The following CHD2 variants were observed in gnomAD, a reference collection of about 807,000 sequenced individuals.
The protein encoded by CHD2 is ATP-dependent chromatin remodeler CHD2.
CHD2 carries 28 observed loss-of-function variants against 243.9 expected under a neutral mutation model. The observed-to-expected ratio is 0.11, with a 90% CI of 0.09 to 0.16. CHD2 has a LOEUF of 0.16. Ranked by LOEUF, CHD2 falls within the 10% of genes least tolerant of loss-of-function variation. The probability of loss-of-function intolerance (pLI) is 1.00; values close to 1 mark genes in which losing one functional copy is unlikely to be tolerated. For synonymous variants in CHD2, 775 were observed against 779.0 expected (o/e 0.99, Z 0.09); for missense variants, 1,386 against 2,209.8 (o/e 0.63, Z 7.47).
intron 18 of CHD2, 39 bp downstream of exon 18, chr15:92,971,966 C>A: frequency 1.3e-6 from 2 of 1,575,630 alleles, no homozygotes; most frequent in Non-Finnish European, 1.7e-6. Flanking sequence ...AAAAAAAACG[C>A]TTAGTTTCTC....
chr15:92,927,453 A>G, intron 4 of CHD2, 123 bp downstream of exon 4: 1 of 649,552 alleles, frequency 1.5e-6, no homozygotes, highest in Non-Finnish European at 2.7e-6. Flanking sequence ...AGTGACTCTA[A>G]TATGAGCTAT....
At chr15:93,022,471 A>C (rs1220578017) in intron 38 of CHD2, among the ~76,000 whole-genome samples, 2 of 152,160 alleles carry the variant, frequency 1.3e-5, no homozygotes, top group Non-Finnish European at 2.9e-5. Context: ...ACATACCCAA[A>C]CCGTATCACC....
At chr15:92,924,175 T>C (rs1280321336) in intron 2 of CHD2, 146 bp from the exon 3 acceptor site, 1 of 624,790 alleles carries the variant, frequency 1.6e-6, no homozygotes, top group East Asian at 2.9e-5. Context: ...ATTTGGAATG[T>C]AAAAGTATAA....
chr15:92,905,083 T>A, intron 2 of CHD2: 4 of 1,293,704 alleles, frequency 3.1e-6, no homozygotes, highest in Non-Finnish European at 4.2e-6. Flanking sequence ...AATTTCACGT[T>A]CAATAACATT....
intron 5 of CHD2, among the ~76,000 whole-genome samples, chr15:92,931,927 A>G (rs147873007): frequency 0.065 from 9,843 of 150,760 alleles, 440 homozygotes; most frequent in South Asian, 0.11. Flanking sequence ...CAGTGGCGCA[A>G]TCTCGGCTCA....
At chr15:92,902,521 A>G (rs1317534272) in intron 2 of CHD2, 2 of 207,276 alleles carry the variant, frequency 9.6e-6, no homozygotes, top group Non-Finnish European at 1.9e-5. Context: ...ATGTGTTACT[A>G]ATATGCTGAA....
rs1171636487 is a variant in CHD2, at chr15:93,024,940, C to G, written c.*235C>G. On this transcript the variant is annotated 3_prime_UTR_variant, in exon 39 of 39. Transcript: ENST00000394196. ...CCATCCCATTCCAGCCTAGTTCTGG[C>G]CTCCCACTTTGACGGGCACTTGGAG... 4.2e-6 allele frequency: 2 copies of G among 481,530 alleles called. No individual in the cohort carries two copies. The highest frequency in any genetic ancestry group is 2.0e-5 in the African/African-American group (1 of 50,152). 29.8% of individuals were successfully genotyped at this position (481,530 alleles called of 1,614,324 possible).
intron 2 of CHD2, among the ~76,000 whole-genome samples, chr15:92,907,976 G>A (rs1453450568): frequency 6.7e-6 from 1 of 149,340 alleles, no homozygotes; most frequent in Non-Finnish European, 1.5e-5. Context: ...CAGCTTGGGT[G>A]CGTTTTACAG....
At position 92,997,549 on chromosome 15, in the gene CHD2, A is replaced by G. The variant is rs1254812340; in HGVS notation, c.3885+146A>G. On this transcript the variant is annotated intron_variant, in intron 30 of 38. Coordinates refer to ENST00000394196, the MANE Select transcript of CHD2 (RefSeq NM_001271.4). The surrounding 1 kb of genome is among the most constrained non-coding windows in gnomAD (Gnocchi z 4.1). ...TTGGAAATACTTCCATCTTTAGCAGATTGTGGCACTGTTTCACGGATGAAG... is the reference window on the plus strand; with the variant it reads ...TTGGAAATACTTCCATCTTTAGCAGGTTGTGGCACTGTTTCACGGATGAAG... The G allele has an allele frequency of 2.9e-6, 2 of 700,722 alleles. No homozygotes were observed. The highest frequency in any genetic ancestry group is 1.9e-5 in the African/African-American group (1 of 53,618). The allele number at this position is 700,722 out of a possible 1,614,324, so 43.4% of individuals were successfully genotyped here.
At chr15:92,918,160 G>A (rs1002090430) in intron 2 of CHD2, among the ~76,000 whole-genome samples, 3 of 152,218 alleles carry the variant, frequency 2.0e-5, no homozygotes, top group Non-Finnish European at 2.9e-5. Context: ...AAATGGAACA[G>A]TAAGTGTTAA....
rs2053619773 is a variant in CHD2, at chr15:92,956,623, C to G, written c.1974C>G (p.Ser658=). 1 of 1,611,502 alleles carries G rather than the reference C, an allele frequency of 6.2e-7. No homozygotes were observed. The highest frequency in any genetic ancestry group is 1.7e-5 in the Admixed American group (1 of 59,250). ...PLQNSLKELW[S]LLHFIMPEKF... Reference sequence around the variant, plus strand: ...AGAATTCCCTCAAAGAGCTCTGGTCCTTGCTGCACTTTATTATGCCGGAGA... The same window carrying G: ...AGAATTCCCTCAAAGAGCTCTGGTCGTTGCTGCACTTTATTATGCCGGAGA... The change falls in exon 16 of 39, where the codon TCC becomes TCG. Residue 658 remains serine, a synonymous_variant. Transcript: ENST00000394196.
At chr15:92,988,433 A>G (rs867682586) in intron 26 of CHD2, among the ~76,000 whole-genome samples, 1 of 152,178 alleles carries the variant, frequency 6.6e-6, no homozygotes. Context: ...AGTTACAAAA[A>G]TGCATGTATA....
At chr15:92,908,158 TA>T (rs1288738840) in intron 2 of CHD2, among the ~76,000 whole-genome samples, 2 of 151,476 alleles carry the variant, frequency 1.3e-5, no homozygotes, top group Admixed American at 1.3e-4. Context: ...CCCAAGCTGA[TA>T]ATTATTACCC....
At chr15:93,009,468 T>A in intron 35 of CHD2, 145 bp downstream of exon 35, 1 of 722,544 alleles carries the variant, frequency 1.4e-6, no homozygotes, top group Non-Finnish European at 2.2e-6. Flanking sequence ...CTGCAGGCTT[T>A]AACTCCCTTT....
chr15:92,978,314 C>T lies in CHD2; in HGVS notation c.2658C>T (p.Asp886=). The part of the protein sequence containing the change: ...LASADTVVIF[D]SDWNPQNDLQ... The stretch of plus-strand genomic sequence containing the variant: ...CAGCGGACACAGTCGTCATCTTTGA[C>T]TCTGACTGGAACCCCCAGAATGACT... The change falls in exon 21 of 39, where the codon GAC becomes GAT. Residue 886 remains aspartate (D), a synonymous_variant. Transcript: ENST00000394196. 6.2e-7 allele frequency: 1 copy of T among 1,614,166 alleles called. No homozygotes were observed. The highest frequency in any genetic ancestry group is 8.5e-7 in the Non-Finnish European group (1 of 1,180,046).
At chr15:93,016,806 A>G (rs911057237) in intron 37 of CHD2, among the ~76,000 whole-genome samples, 2 of 129,474 alleles carry the variant, frequency 1.5e-5, no homozygotes, top group African/African-American at 5.4e-5. Context: ...TGCAGTTTTG[A>G]AACAAAACTC....
At position 92,972,397 on chromosome 15, in the gene CHD2, A is replaced by G; in HGVS notation, c.2485A>G (p.Ile829Val). 3 of 1,607,044 alleles carry G rather than the reference A, an allele frequency of 1.9e-6. No homozygotes were observed. Among genetic ancestry groups the G allele is most frequent in the East Asian group, 2.2e-5 (1 of 44,674 alleles). The change falls in exon 19 of 39, where the codon ATT becomes GTT. Residue 829 changes from isoleucine to valine, a missense_variant. Transcript: ENST00000394196. ...GGATATCCTGGCTGAATACCTAACT[A>G]TTAAACACTATCCTTTCCAGGTAAG... ...MLDILAEYLTIKHYPFQRLDG... is the reference protein window; with the variant it reads ...MLDILAEYLTVKHYPFQRLDG...
intron 33 of CHD2, among the ~76,000 whole-genome samples, chr15:93,003,765 T>TACATATTATAGTA (rs1415335993): frequency 2.0e-5 from 3 of 152,170 alleles, no homozygotes; most frequent in Non-Finnish European, 2.9e-5. Flanking sequence ...TGTTTTTATA[T>TACATATTATAGTA]TTGTAGTACA....
At chr15:92,912,233 T>C (rs2052749704) in intron 2 of CHD2, among the ~76,000 whole-genome samples, 1 of 152,198 alleles carries the variant, frequency 6.6e-6, no homozygotes, top group East Asian at 1.9e-4. Context: ...CCCTGTCTGA[T>C]TGGATTTGGG....
Sources: allele counts gnomAD v4.1 joint callset (sites outside exome capture counted in the v4.1 genomes callset), GRCh38; gene constraint gnomAD v4.1.1; non-coding constraint Gnocchi (gnomAD v3.1); transcripts MANE v1.5; gene names NCBI Gene and HGNC (gene_info 2026-07-23, HGNC 2026-07-21).